RTL4: variants seen among roughly 807,000 people sequenced by gnomAD.
The protein encoded by RTL4 is retrotransposon Gag-like protein 4.
RTL4 carries 4 observed loss-of-function variants against 5.3 expected under a neutral mutation model. That is an observed-to-expected ratio of 0.75 (90% CI 0.37 to 1.72). The LOEUF is 1.72. Ranked by LOEUF, RTL4 falls within the 40% of genes most tolerant of loss-of-function variation. RTL4 has a pLI of 0.04. For synonymous variants in RTL4, 98 were observed against 87.3 expected, an observed-to-expected ratio of 1.12 and a Z score of -0.68; for missense variants, 260 against 227.1, an observed-to-expected ratio of 1.14 and a Z score of -0.93.
the RTL4 span, among the ~76,000 whole-genome samples, chrX:112,212,735 T>C: frequency 8.9e-6 from 1 of 112,483 alleles, no homozygotes; most frequent in Admixed American, 9.4e-5. Context: ...CAAAAAAAGC[T>C]AGCAACACAA....
the RTL4 span, among the ~76,000 whole-genome samples, chrX:112,373,819 T>C: frequency 1.4e-4 from 16 of 110,793 alleles, no homozygotes; most frequent in Admixed American, 1.5e-3. Flanking sequence ...AATGGTCTAC[T>C]TTCTGTTGCT....
chrX:112,309,066 C>T, the RTL4 span, among the ~76,000 whole-genome samples: 1 of 111,504 alleles, frequency 9.0e-6, no homozygotes, highest in Non-Finnish European at 1.9e-5. Context: ...AGTATTTAAA[C>T]CATTGTTTAT....
the RTL4 span, among the ~76,000 whole-genome samples, chrX:112,159,930 G>A: frequency 9.0e-6 from 1 of 111,018 alleles, no homozygotes; most frequent in South Asian, 3.9e-4. Context: ...GGGTCCACAT[G>A]GAGGGCCACT....
At chrX:112,212,431 A>G in the RTL4 span, among the ~76,000 whole-genome samples, 1 of 112,695 alleles carries the variant, frequency 8.9e-6, no homozygotes, top group Non-Finnish European at 1.9e-5. Flanking sequence ...TGCCTAGGTC[A>G]GTTCTTAGCA....
chrX:112,337,639 A>G, the RTL4 span, among the ~76,000 whole-genome samples: 3 of 111,202 alleles, frequency 2.7e-5, no homozygotes, highest in Non-Finnish European at 3.8e-5. Context: ...AATTTCCTTC[A>G]ATGCTCTTAT....
At chrX:112,175,432 G>T in the RTL4 span, among the ~76,000 whole-genome samples, 37 of 109,682 alleles carry the variant, frequency 3.4e-4, no homozygotes, top group Admixed American at 3.6e-3. Context: ...CTGTTCCATT[G>T]ATCTATATCT....
chrX:112,352,899 A>C, the RTL4 span, among the ~76,000 whole-genome samples: 1 of 111,932 alleles, frequency 8.9e-6, no homozygotes, highest in Non-Finnish European at 1.9e-5. Context: ...CAGGGAACCT[A>C]CAAAATGGGA....
At chrX:112,419,043 TA>T in the RTL4 span, among the ~76,000 whole-genome samples, 2 of 101,529 alleles carry the variant, frequency 2.0e-5, no homozygotes, top group Admixed American at 2.2e-4. Context: ...TATATATATA[TA>T]TATATATATA....
the RTL4 span, among the ~76,000 whole-genome samples, chrX:112,096,103 C>A: frequency 8.9e-6 from 1 of 111,982 alleles, no homozygotes; most frequent in South Asian, 3.7e-4. Flanking sequence ...CTCCATCCAC[C>A]CTGAGTGATG....
At chrX:112,441,478 G>T in the RTL4 span, among the ~76,000 whole-genome samples, 1 of 111,735 alleles carries the variant, frequency 8.9e-6, no homozygotes, top group Admixed American at 9.5e-5. Flanking sequence ...ATGGCTCATG[G>T]CCCTTCAAGA....
chrX:112,136,702 G>T, the RTL4 span, among the ~76,000 whole-genome samples: 1 of 111,657 alleles, frequency 9.0e-6, no homozygotes, highest in African/African-American at 3.2e-5. Flanking sequence ...AATTCAAATG[G>T]AATCAGCAAA....
At chrX:112,310,403 TA>T in the RTL4 span, among the ~76,000 whole-genome samples, 4 of 60,866 alleles carry the variant, frequency 6.6e-5, no homozygotes, top group East Asian at 2.1e-3. Context: ...TATATATATA[TA>T]TATATATATA....
the RTL4 span, among the ~76,000 whole-genome samples, chrX:112,245,718 C>T: frequency 8.9e-6 from 1 of 112,352 alleles, no homozygotes; most frequent in Non-Finnish European, 1.9e-5. Context: ...AAGTCATTCT[C>T]CATCCAGCTT....
chrX:112,342,969 C>T, the RTL4 span, among the ~76,000 whole-genome samples: 5 of 111,020 alleles, frequency 4.5e-5, no homozygotes, highest in African/African-American at 9.8e-5. Flanking sequence ...GGTGTGGTGG[C>T]GTGCGCCTGT....
At chrX:112,103,441 G>C in the RTL4 span, among the ~76,000 whole-genome samples, 1 of 111,158 alleles carries the variant, frequency 9.0e-6, no homozygotes, top group Non-Finnish European at 1.9e-5. Context: ...TGGAGGGAGG[G>C]AGAGCCTCAG....
chrX:112,260,042 G>A, the RTL4 span, among the ~76,000 whole-genome samples: 1 of 111,616 alleles, frequency 9.0e-6, no homozygotes, highest in Non-Finnish European at 1.9e-5. Context: ...GTCCTGACGA[G>A]GCCAATCCTT....
At chrX:112,230,738 A>C in the RTL4 span, among the ~76,000 whole-genome samples, 1 of 112,086 alleles carries the variant, frequency 8.9e-6, no homozygotes, top group African/African-American at 3.2e-5. Context: ...GGATCTAATT[A>C]AACTAAAGAG....
the RTL4 span, among the ~76,000 whole-genome samples, chrX:112,303,502 C>G: frequency 1.2e-3 from 120 of 100,797 alleles, 1 homozygote; most frequent in East Asian, 0.035. Flanking sequence ...TAAACTATTG[C>G]AAGGACAAAA....
the RTL4 span, among the ~76,000 whole-genome samples, chrX:112,185,716 A>G: frequency 1.8e-5 from 2 of 108,567 alleles, no homozygotes; most frequent in Non-Finnish European, 3.8e-5. Context: ...TTCTCTATTT[A>G]TTAATTGTTT....
Sources: gnomAD v4.1 joint callset for allele counts (sites outside exome capture counted in the v4.1 genomes callset) on GRCh38, gnomAD v4.1.1 for gene constraint, MANE v1.5 for transcripts, NCBI Gene and HGNC (gene_info 2026-07-23, HGNC 2026-07-21) for gene names.